PDE6D: variants seen among roughly 807,000 people sequenced by gnomAD.
PDE6D encodes the protein retinal rod rhodopsin-sensitive cGMP 3',5'-cyclic phosphodiesterase subunit delta.
In PDE6D, 10 loss-of-function variants were observed where a neutral mutation model predicts 21.9. That is an observed-to-expected ratio of 0.46 (90% CI 0.28 to 0.78). The LOEUF is 0.78. Ranked by LOEUF, PDE6D falls within the 30% of genes least tolerant of loss-of-function variation. The probability of loss-of-function intolerance (pLI) is 0.12; values close to 1 mark genes in which losing one functional copy is unlikely to be tolerated. For missense variants in PDE6D, 139 were observed against 184.8 expected (o/e 0.75, Z 1.44); for synonymous variants, 59 against 63.5 (o/e 0.93, Z 0.34).
intron 1 of PDE6D, among the ~76,000 whole-genome samples, chr2:231,756,601 C>CTT (rs78576087): frequency 5.7e-4 from 66 of 116,408 alleles, no homozygotes; most frequent in Middle Eastern, 9.2e-3. Flanking sequence ...CTAAACCTGG[C>CTT]TTTTTTTTTT....
chr2:231,735,241 CA>C (rs201484196), intron 4 of PDE6D, among the ~76,000 whole-genome samples: 1,830 of 86,888 alleles, frequency 0.021, 31 homozygotes, highest in African/African-American at 0.054. Context: ...GACTCCATAT[CA>C]AAAAAAAAAA....
intron 1 of PDE6D, among the ~76,000 whole-genome samples, chr2:231,776,022 T>C (rs1168255974): frequency 6.6e-6 from 1 of 152,218 alleles, no homozygotes; most frequent in Non-Finnish European, 1.5e-5. Context: ...ATACAGACTA[T>C]ACTAGAAAGC....
intron 1 of PDE6D, among the ~76,000 whole-genome samples, chr2:231,751,426 C>T (rs1263534410): frequency 2.6e-5 from 4 of 152,178 alleles, no homozygotes; most frequent in East Asian, 1.9e-4. Context: ...AGATTACAGG[C>T]GTGAGCACTA....
chr2:231,747,952 C>A (rs1466664933), intron 1 of PDE6D, among the ~76,000 whole-genome samples: 1 of 152,228 alleles, frequency 6.6e-6, no homozygotes, highest in Non-Finnish European at 1.5e-5. Flanking sequence ...CACCTCCCGC[C>A]ATGATTCTGA....
Position 231,749,648 on chromosome 2 carries a change from C to T in PDE6D, c.51-10460G>A, listed in dbSNP as rs535567517. Among the ~76,000 whole-genome samples, 17 of 152,158 alleles carry T rather than the reference C, an allele frequency of 1.1e-4. No individual in the cohort carries two copies. The East Asian group carries it at 2.5e-3, about 23-fold the overall frequency. ...CCGGGTTCAAGTGATTCTTCTGCCT[C>T]AGCCTCTCAAGTAGCTGAGATTACA... On this transcript the variant is annotated intron_variant, in intron 1 of 4. Transcript: ENST00000287600.
chr2:231,737,345 A>C (rs912238950), intron 3 of PDE6D, 53 bp from the exon 4 acceptor site: 7 of 943,160 alleles, frequency 7.4e-6, no homozygotes, highest in South Asian at 1.4e-5. Context: ...ATAAAGTTTA[A>C]GGGCTCTTTG....
intron 3 of PDE6D, chr2:231,737,609 G>A: frequency 3.2e-6 from 1 of 308,292 alleles, no homozygotes; most frequent in Non-Finnish European, 6.0e-6. Context: ...AATTCACTTG[G>A]AATTAGCTTG....
intron 4 of PDE6D, among the ~76,000 whole-genome samples, chr2:231,734,857 AC>A (rs2048684740): frequency 7.6e-6 from 1 of 130,852 alleles, no homozygotes; most frequent in Non-Finnish European, 1.7e-5. Context: ...AAAAAAAAAA[AC>A]AAAAAAAAAA....
rs768846177 is a variant in PDE6D, at chr2:231,739,852, G to A, written c.51-664C>T. Reference sequence around the variant, plus strand: ...TCACCATGTTGGCCAGGCTGGTCTCGAACTCCTGACCTCAAGTGATCTGTC... The same window carrying A: ...TCACCATGTTGGCCAGGCTGGTCTCAAACTCCTGACCTCAAGTGATCTGTC... On this transcript the variant is annotated intron_variant, in intron 1 of 4. Coordinates refer to ENST00000287600, the MANE Select transcript of PDE6D (RefSeq NM_002601.4). The surrounding 1 kb of genome is among the most constrained non-coding windows in gnomAD (Gnocchi z 4.2). 6.6e-6 allele frequency among the ~76,000 whole-genome samples: 1 copy of A among 152,016 alleles called. No homozygotes were observed. The highest frequency in any genetic ancestry group is 1.5e-5 in the Non-Finnish European group (1 of 68,018).
chr2:231,735,927 C>T (rs1041335308), intron 4 of PDE6D, among the ~76,000 whole-genome samples: 2 of 151,448 alleles, frequency 1.3e-5, no homozygotes, highest in African/African-American at 4.9e-5. Flanking sequence ...ACTTGGGAGG[C>T]TGAGACAGGA....
At chr2:231,747,978 G>A (rs2048807967) in intron 1 of PDE6D, among the ~76,000 whole-genome samples, 1 of 152,198 alleles carries the variant, frequency 6.6e-6, no homozygotes, top group Admixed American at 6.5e-5. Context: ...CTCCAACCAT[G>A]TGGAACTGTA....
chr2:231,750,481 C>CATTTTTTTTTTTTTTT (rs1553557786), intron 1 of PDE6D, among the ~76,000 whole-genome samples: 2 of 133,562 alleles, frequency 1.5e-5, no homozygotes, highest in Non-Finnish European at 1.6e-5. Flanking sequence ...ATCCATATCA[C>CATTTTTTTTTTTTTTT]TTTTTTTTTT....
At chr2:231,779,078 T>C (rs932312375) in intron 1 of PDE6D, 1 of 152,244 alleles carries the variant, frequency 6.6e-6, no homozygotes, top group Non-Finnish European at 1.5e-5. Flanking sequence ...CATTCCTGCT[T>C]TTCTTTTCTC....
intron 1 of PDE6D, among the ~76,000 whole-genome samples, chr2:231,763,356 TC>T (rs1240040662): frequency 6.6e-6 from 1 of 152,170 alleles, no homozygotes; most frequent in Non-Finnish European, 1.5e-5. Flanking sequence ...TCTCCTTTTT[TC>T]CTTGCCTACT....
intron 1 of PDE6D, among the ~76,000 whole-genome samples, chr2:231,754,838 ATCT>A (rs1398646984): frequency 3.9e-5 from 6 of 152,132 alleles, no homozygotes; most frequent in African/African-American, 7.2e-5. Flanking sequence ...TAAAAGGATA[ATCT>A]TCTTCTTGCT....
intron 1 of PDE6D, among the ~76,000 whole-genome samples, chr2:231,745,467 C>T (rs1334316949): frequency 1.3e-5 from 2 of 152,140 alleles, no homozygotes; most frequent in Admixed American, 1.3e-4. Context: ...ATAAGTTCTA[C>T]CCTCTGGGTC....
At chr2:231,765,528 A>G (rs565929614) in intron 1 of PDE6D, among the ~76,000 whole-genome samples, 6 of 152,304 alleles carry the variant, frequency 3.9e-5, no homozygotes, top group Non-Finnish European at 2.9e-5. Flanking sequence ...AGTAATTTCC[A>G]GGTAAGTATA....
rs1328575509 is a variant in PDE6D, at chr2:231,739,188, T to G, written c.51A>C (p.Leu17=). 4 of 1,596,738 alleles carry G rather than the reference T, an allele frequency of 2.5e-6. No individual in the cohort carries two copies. Among genetic ancestry groups the G allele is most frequent in the Non-Finnish European group, 2.6e-6 (3 of 1,164,158 alleles). ...CAGCATCCCGAAGGTTCATCCAATT[T>G]CTGATCAAATATGACTAAGGAAAAA... ...RAREILRGFK[L]NWMNLRDAET... is the part of the protein sequence containing the mutation. The change falls in exon 2 of 5, where the codon CTA becomes CTC. Residue 17 remains leucine (L), a splice_region_variant and synonymous_variant. Coordinates refer to ENST00000287600, the MANE Select transcript of PDE6D (RefSeq NM_002601.4). This position sits in a 1 kb window ranked among gnomAD's most constrained non-coding sequence, Gnocchi z 4.2.
At chr2:231,733,973 G>A (rs1189045813) in intron 4 of PDE6D, among the ~76,000 whole-genome samples, 2 of 152,070 alleles carry the variant, frequency 1.3e-5, no homozygotes, top group Admixed American at 6.6e-5. Context: ...AGCACTTTGG[G>A]AGTCCGAGGT....
Sources: allele counts gnomAD v4.1 joint callset (sites outside exome capture counted in the v4.1 genomes callset), GRCh38; gene constraint gnomAD v4.1.1; non-coding constraint Gnocchi (gnomAD v3.1); transcripts MANE v1.5; gene names NCBI Gene and HGNC (gene_info 2026-07-23, HGNC 2026-07-21).